PRKN: variants seen among roughly 807,000 people sequenced by gnomAD.
The protein encoded by PRKN is E3 ubiquitin-protein ligase parkin.
A neutral mutation model predicts 59.5 loss-of-function variants in PRKN; 56 were observed. The observed-to-expected ratio is 0.94, with a 90% CI of 0.76 to 1.18. PRKN has a LOEUF of 1.18. PRKN is among the 50% of genes most tolerant of loss of function. The pLI is 0.00. For synonymous variants in PRKN, 250 were observed against 222.1 expected (o/e 1.13, Z -1.12); for missense variants, 657 against 596.4 (o/e 1.10, Z -1.06).
In PRKN at chr6:161,785,910, T is replaced by C; in HGVS notation, c.735-2A>G. The C allele has an allele frequency of 6.2e-7, 1 of 1,614,060 alleles. No individual in the cohort carries two copies. The highest frequency in any genetic ancestry group is 8.5e-7 in the Non-Finnish European group (1 of 1,179,990). On this transcript the variant is annotated splice_acceptor_variant, in intron 6 of 11. Transcript: ENST00000366898. LOFTEE classifies it high-confidence loss of function. ...CACTGGAAAACCAGGACGGGGCTCC[T>C]GCAGAGAGAAAGGAAGATGTTTCCT...
chr6:161,898,247 C>T (rs896282423), intron 6 of PRKN, among the ~76,000 whole-genome samples: 2 of 151,960 alleles, frequency 1.3e-5, no homozygotes, highest in Non-Finnish European at 2.9e-5. Flanking sequence ...ATCAATTTGG[C>T]ACAGTGAACC....
At chr6:161,816,206 T>A (rs1378871290) in intron 6 of PRKN, among the ~76,000 whole-genome samples, 1 of 152,050 alleles carries the variant, frequency 6.6e-6, no homozygotes, top group Non-Finnish European at 1.5e-5. Flanking sequence ...TGCAGCAGCA[T>A]GCGTGAGTCT....
intron 2 of PRKN, among the ~76,000 whole-genome samples, chr6:162,306,089 A>G (rs1402077125): frequency 2.0e-5 from 3 of 152,180 alleles, no homozygotes; most frequent in Non-Finnish European, 4.4e-5. Flanking sequence ...TATGGAAAAT[A>G]ATCTTCATAA....
chr6:162,478,761 C>T (rs1394352586), intron 1 of PRKN, among the ~76,000 whole-genome samples: 2 of 152,162 alleles, frequency 1.3e-5, no homozygotes, highest in African/African-American at 4.8e-5. Flanking sequence ...TACAAACCGG[C>T]ACAACATGTT....
chr6:161,781,934 G>A (rs763001840), intron 7 of PRKN, among the ~76,000 whole-genome samples: 12 of 152,230 alleles, frequency 7.9e-5, no homozygotes, highest in South Asian at 4.1e-4. Flanking sequence ...TGGGGAGGAA[G>A]TGGAGAGCCT....
chr6:161,929,788 T>C (rs1330328119), intron 6 of PRKN, among the ~76,000 whole-genome samples: 1 of 152,114 alleles, frequency 6.6e-6, no homozygotes, highest in Non-Finnish European at 1.5e-5. Flanking sequence ...TGCTGTGACA[T>C]AGGCATGAGC....
chr6:161,911,702 A>G (rs1344603169), intron 6 of PRKN, among the ~76,000 whole-genome samples: 1 of 152,236 alleles, frequency 6.6e-6, no homozygotes, highest in Non-Finnish European at 1.5e-5. Context: ...AATGTAGTAT[A>G]TCATAAAAAT....
At chr6:161,942,168 C>T (rs1779589583) in intron 6 of PRKN, among the ~76,000 whole-genome samples, 1 of 152,104 alleles carries the variant, frequency 6.6e-6, no homozygotes, top group African/African-American at 2.4e-5. Context: ...GGTACAACCA[C>T]AGGGGCCTCT....
Position 161,566,338 on chromosome 6 carries a change from C to T in PRKN, c.933+3017G>A, listed in dbSNP as rs566789865. Among the ~76,000 whole-genome samples, 6 of 152,294 alleles carry T rather than the reference C, an allele frequency of 3.9e-5. No homozygotes were observed. The highest frequency in any genetic ancestry group is 7.3e-5 in the Non-Finnish European group (5 of 68,028). On this transcript the variant is annotated intron_variant, in intron 8 of 11. Coordinates refer to ENST00000366898, the MANE Select transcript of PRKN (RefSeq NM_004562.3). This position sits in a 1 kb window ranked among gnomAD's most constrained non-coding sequence, Gnocchi z 4.1. ...GCATAGGACACAGATCATGATTCCT[C>T]CTCCTAAAGATGCCTTCTTCCTTTG...
Position 161,434,249 on chromosome 6 carries a change from ATGCTCTTGGAAGAGTTCAACAT to A in PRKN, c.1084-47394_1084-47373del, listed in dbSNP as rs1211910156. Among the ~76,000 whole-genome samples the A allele has an allele frequency of 2.0e-5, 3 of 152,188 alleles. No homozygotes were observed. In the South Asian group the frequency reaches 6.2e-4, roughly 31 times the overall value. ...ATTTTACTCAAGAGATTTTGCCAGT[ATGCTCTTGGAAGAGTTCAACAT>A]TGCCATAGATCATAGGGAAAATGAT... is the stretch of plus-strand genomic sequence containing the variant. On this transcript the variant is annotated intron_variant, in intron 9 of 11. Transcript: ENST00000366898.
intron 7 of PRKN, among the ~76,000 whole-genome samples, chr6:161,629,541 T>A (rs1783217860): frequency 6.6e-6 from 1 of 152,068 alleles, no homozygotes; most frequent in Admixed American, 6.5e-5. Flanking sequence ...ACCCGTGAAG[T>A]CAGATTATCC....
chr6:161,882,334 T>A (rs1794966646), intron 6 of PRKN, among the ~76,000 whole-genome samples: 1 of 152,032 alleles, frequency 6.6e-6, no homozygotes. Context: ...AGCAACGGCA[T>A]GGGGGCGGGG....
In PRKN at chr6:161,615,736, GC is replaced by G. The variant is rs138673406; in HGVS notation, c.872-46321del. On this transcript the variant is annotated intron_variant, in intron 7 of 11. Coordinates refer to ENST00000366898, the MANE Select transcript of PRKN (RefSeq NM_004562.3). ...GAATCTGCAGTGAGTTCCTAAGGAAGCTTTTGCCTCCCTCTCCTCCTGCATG... is the reference window on the plus strand; with the variant it reads ...GAATCTGCAGTGAGTTCCTAAGGAAGTTTTGCCTCCCTCTCCTCCTGCATG... 3.3e-3 allele frequency among the ~76,000 whole-genome samples: 509 copies of G among 152,350 alleles called. 12 individuals are homozygous for G. The East Asian group carries it at 0.064, about 19-fold the overall frequency.
intron 3 of PRKN, among the ~76,000 whole-genome samples, chr6:162,211,689 T>A (rs1785203070): frequency 6.6e-6 from 1 of 152,172 alleles, no homozygotes; most frequent in Admixed American, 6.5e-5. Flanking sequence ...ATAAATATTT[T>A]ATTTACATAT....
intron 7 of PRKN, among the ~76,000 whole-genome samples, chr6:161,714,979 A>T (rs933940345): frequency 6.6e-6 from 1 of 152,172 alleles, no homozygotes; most frequent in African/African-American, 2.4e-5. Flanking sequence ...CCATATTTGA[A>T]CGGTATTCTT....
intron 4 of PRKN, among the ~76,000 whole-genome samples, chr6:162,077,121 A>G (rs1778861275): frequency 6.6e-6 from 1 of 152,104 alleles, no homozygotes; most frequent in African/African-American, 2.4e-5. Context: ...GCAGACATGG[A>G]GGCTGGTGAC....
intron 6 of PRKN, among the ~76,000 whole-genome samples, chr6:161,843,115 G>A (rs370597561): frequency 6.6e-6 from 1 of 152,118 alleles, no homozygotes; most frequent in Non-Finnish European, 1.5e-5. Flanking sequence ...GTTAATAAGG[G>A]TTAATAATTT....
chr6:161,729,380 GTT>G (rs141152450), intron 7 of PRKN, among the ~76,000 whole-genome samples: 7 of 151,110 alleles, frequency 4.6e-5, no homozygotes, highest in African/African-American at 1.7e-4. Context: ...AAAAATGACA[GTT>G]TTTTTTTGCG....
At chr6:161,976,786 A>G (rs1462046110) in intron 5 of PRKN, among the ~76,000 whole-genome samples, 4 of 152,248 alleles carry the variant, frequency 2.6e-5, no homozygotes, top group African/African-American at 9.6e-5. Context: ...TGGCAGGACT[A>G]TTGAAAAAGT....
Sources: gnomAD v4.1 joint callset for allele counts (sites outside exome capture counted in the v4.1 genomes callset) on GRCh38, gnomAD v4.1.1 for gene constraint, Gnocchi (gnomAD v3.1) non-coding constraint, MANE v1.5 for transcripts, NCBI Gene and HGNC (gene_info 2026-07-23, HGNC 2026-07-21) for gene names.